Variants in DNAH7 observed in about 807,000 individuals in gnomAD.
DNAH7 encodes axonemal beta dynein heavy chain 7.
A neutral mutation model predicts 444.6 loss-of-function variants in DNAH7; 397 were observed. That is an observed-to-expected ratio of 0.89 (90% CI 0.82 to 0.97). The LOEUF (loss-of-function observed/expected upper bound fraction) is 0.97. DNAH7 is among the 50% of genes least tolerant of loss of function. DNAH7 has a pLI of 0.00. For missense variants in DNAH7, 4,902 were observed against 4,800.8 expected (o/e 1.02, Z -0.62); for synonymous variants, 1,636 against 1,624.4 (o/e 1.01, Z -0.17).
chr2:195,954,286 C>T (rs74347260), intron 19 of DNAH7, among the ~76,000 whole-genome samples: 4 of 152,050 alleles, frequency 2.6e-5, no homozygotes. Context: ...TGTTTGGTTT[C>T]CTGTCCTTGC....
At chr2:195,891,517 C>A in intron 31 of DNAH7, 138 bp downstream of exon 31, 1 of 753,974 alleles carries the variant, frequency 1.3e-6, no homozygotes. Context: ...GAAATACTGC[C>A]AGAATATCCA....
At chr2:195,898,075 T>C (rs932352325) in intron 28 of DNAH7, among the ~76,000 whole-genome samples, 19 of 152,230 alleles carry the variant, frequency 1.2e-4, no homozygotes, top group African/African-American at 4.3e-4. Flanking sequence ...GGGTAGAGCT[T>C]GCTTGTTCTC....
intron 19 of DNAH7, among the ~76,000 whole-genome samples, chr2:195,946,182 T>C (rs929768146): frequency 1.3e-5 from 2 of 152,098 alleles, no homozygotes; most frequent in African/African-American, 4.8e-5. Context: ...GTAGGGAAGA[T>C]GAATTGTGCC....
In DNAH7 at chr2:195,778,618, G is replaced by GGAAAAA. The variant is rs1365539221; in HGVS notation, c.10879-634_10879-633insTTTTTC. The stretch of plus-strand genomic sequence containing the variant: ...TGGGTGACAGAGCAAGACCCTGTCT[G>GGAAAAA]AAAAAAAAAAAAAATAAATAAATAA... On this transcript the variant is annotated intron_variant, in intron 58 of 64. Coordinates refer to ENST00000312428, the MANE Select transcript of DNAH7 (RefSeq NM_018897.3). Among the ~76,000 whole-genome samples the GGAAAAA allele has an allele frequency of 4.7e-3, 103 of 21,762 alleles. 10 individuals carry two copies. Among genetic ancestry groups the GGAAAAA allele is most frequent in the South Asian group, 7.5e-3 (3 of 402 alleles). 14.3% of individuals were successfully genotyped at this position (21,762 alleles called of 152,430 possible).
intron 51 of DNAH7, among the ~76,000 whole-genome samples, chr2:195,815,108 T>C (rs1374139013): frequency 6.6e-6 from 1 of 151,690 alleles, no homozygotes; most frequent in Non-Finnish European, 1.5e-5. Context: ...AAACCAGACA[T>C]GCATGTTTAA....
intron 63 of DNAH7, among the ~76,000 whole-genome samples, chr2:195,742,848 T>C (rs923167923): frequency 2.6e-5 from 4 of 152,222 alleles, no homozygotes; most frequent in Admixed American, 6.5e-5. Flanking sequence ...ATCTACAATA[T>C]AGGATGCTGT....
chr2:195,937,538 A>C (rs1440925876), intron 19 of DNAH7, among the ~76,000 whole-genome samples: 1 of 152,192 alleles, frequency 6.6e-6, no homozygotes, highest in Admixed American at 6.5e-5. Flanking sequence ...TTATAACCAA[A>C]AGCTGATCTT....
chr2:195,810,916 A>G (rs184086977), intron 51 of DNAH7, among the ~76,000 whole-genome samples: 1 of 152,222 alleles, frequency 6.6e-6, no homozygotes, highest in Non-Finnish European at 1.5e-5. Context: ...CCATACAATT[A>G]ATACAGGGTG....
At chr2:195,814,331 G>A (rs1286126656) in intron 51 of DNAH7, among the ~76,000 whole-genome samples, 1 of 152,060 alleles carries the variant, frequency 6.6e-6, no homozygotes, top group Non-Finnish European at 1.5e-5. Context: ...AAAAGAAAAG[G>A]CCACATTTTG....
chr2:196,065,060 A>G (rs778673968), intron 1 of DNAH7, among the ~76,000 whole-genome samples: 7 of 152,174 alleles, frequency 4.6e-5, no homozygotes, highest in Non-Finnish European at 8.8e-5. Flanking sequence ...TGCCTAATTT[A>G]CTATGATTCC....
At chr2:195,880,023 C>A (rs944303641) in intron 36 of DNAH7, among the ~76,000 whole-genome samples, 1 of 151,830 alleles carries the variant, frequency 6.6e-6, no homozygotes, top group African/African-American at 2.4e-5. Context: ...TAGAATACTA[C>A]GTTTTTTCAT....
chr2:195,792,164 C>CT (rs1426501082), intron 57 of DNAH7, among the ~76,000 whole-genome samples: 30 of 27,462 alleles, frequency 1.1e-3, no homozygotes, highest in Non-Finnish European at 1.6e-3. Context: ...GAGACCCTGT[C>CT]TCAAAAAAAA....
At chr2:196,011,317 A>T (rs575788550) in intron 10 of DNAH7, among the ~76,000 whole-genome samples, 1 of 152,148 alleles carries the variant, frequency 6.6e-6, no homozygotes, top group African/African-American at 2.4e-5. Context: ...TTAAAAATTG[A>T]TAAGACAGGC....
At chr2:195,806,512 C>A (rs549979863) in intron 54 of DNAH7, among the ~76,000 whole-genome samples, 1 of 152,102 alleles carries the variant, frequency 6.6e-6, no homozygotes, top group Non-Finnish European at 1.5e-5. Context: ...CAAATAATCA[C>A]AAAATAAATA....
At chr2:195,921,131 C>A (rs1409667512) in intron 24 of DNAH7, among the ~76,000 whole-genome samples, 1 of 152,136 alleles carries the variant, frequency 6.6e-6, no homozygotes, top group East Asian at 1.9e-4. Context: ...AACTATACAA[C>A]CACTATGGAA....
chr2:196,028,086 G>T lies in DNAH7; in HGVS notation c.399-39C>A, dbSNP rs186332487. The T allele has an allele frequency of 4.1e-3, 6,325 of 1,541,126 alleles. 18 individuals are homozygous for T. The highest frequency in any genetic ancestry group is 5.1e-3 in the Non-Finnish European group (5,752 of 1,124,260). On this transcript the variant is annotated intron_variant, in intron 5 of 64. Transcript: ENST00000312428. ...AAACATACTATTCAAAAGTAGATAA[G>T]GGGCAGTTAGAACATAAAACAATGG... is the stretch of plus-strand genomic sequence containing the variant.
intron 10 of DNAH7, among the ~76,000 whole-genome samples, chr2:196,006,056 G>A (rs1282080003): frequency 6.6e-6 from 1 of 152,166 alleles, no homozygotes; most frequent in Non-Finnish European, 1.5e-5. Flanking sequence ...GCTCATGCCT[G>A]TAATCCCAAC....
At chr2:196,062,460 T>C (rs188925199) in intron 1 of DNAH7, among the ~76,000 whole-genome samples, 4 of 152,328 alleles carry the variant, frequency 2.6e-5, no homozygotes, top group Non-Finnish European at 4.4e-5. Flanking sequence ...AAGTGCATGA[T>C]TAGTAATCTC....
At chr2:195,911,750 T>C (rs956870984) in intron 24 of DNAH7, among the ~76,000 whole-genome samples, 9 of 152,230 alleles carry the variant, frequency 5.9e-5, no homozygotes, top group Middle Eastern at 3.4e-3. Flanking sequence ...ACTCTGTCAT[T>C]TAATAACTGA....
Sources: allele counts gnomAD v4.1 joint callset (sites outside exome capture counted in the v4.1 genomes callset), GRCh38; gene constraint gnomAD v4.1.1; transcripts MANE v1.5; gene names NCBI Gene and HGNC (gene_info 2026-07-23, HGNC 2026-07-21).